Variants in NEDD4L observed in about 807,000 individuals in gnomAD.
NEDD4L encodes the protein E3 ubiquitin-protein ligase NEDD4-like.
In NEDD4L, 54 loss-of-function variants were observed where a neutral mutation model predicts 148.9. That is an observed-to-expected ratio of 0.36 (90% confidence interval 0.29 to 0.45). NEDD4L has a LOEUF of 0.45. Among genes scored for constraint, NEDD4L ranks in the 20% least tolerant of loss-of-function variants. The probability of loss-of-function intolerance (pLI) is 1.00; values close to 1 mark genes in which losing one functional copy is unlikely to be tolerated. For synonymous variants in NEDD4L, 433 were observed against 440.7 expected, an observed-to-expected ratio of 0.98 and a Z score of 0.22; for missense variants, 856 against 1,233.8, an observed-to-expected ratio of 0.69 and a Z score of 4.59.
intron 30 of NEDD4L, among the ~76,000 whole-genome samples, chr18:58,395,588 C>G (rs1270624260): frequency 6.6e-6 from 1 of 151,764 alleles, no homozygotes; most frequent in Non-Finnish European, 1.5e-5. Flanking sequence ...GAGGAGGTAG[C>G]TTAGCACTGG....
At chr18:58,358,831 A>T (rs2045078004) in intron 19 of NEDD4L, among the ~76,000 whole-genome samples, 1 of 152,106 alleles carries the variant, frequency 6.6e-6, no homozygotes, top group Admixed American at 6.5e-5. Flanking sequence ...TATTTAAAAT[A>T]TGCTTTTTAG....
chr18:58,096,411 AT>A (rs2084413391), intron 1 of NEDD4L, among the ~76,000 whole-genome samples: 21 of 89,282 alleles, frequency 2.4e-4, no homozygotes, highest in Admixed American at 3.7e-4. Flanking sequence ...ATTTTATTTT[AT>A]TTTATTTATT....
chr18:58,071,952 A>G (rs2082892815), intron 1 of NEDD4L, among the ~76,000 whole-genome samples: 1 of 152,252 alleles, frequency 6.6e-6, no homozygotes, highest in Non-Finnish European at 1.5e-5. Context: ...TGTGGGGATT[A>G]CAATTCAAGG....
chr18:58,218,297 A>G (rs1458046611), intron 2 of NEDD4L, among the ~76,000 whole-genome samples: 1 of 152,216 alleles, frequency 6.6e-6, no homozygotes. Flanking sequence ...AGTATTGAGC[A>G]ATTTTTTGGG....
chr18:58,372,634 G>A, intron 23 of NEDD4L: 1 of 152,636 alleles, frequency 6.6e-6, no homozygotes, highest in Non-Finnish European at 1.5e-5. Flanking sequence ...GACCAGCCTG[G>A]CCAACATGGC....
At chr18:58,250,310 T>C (rs560100328) in intron 4 of NEDD4L, among the ~76,000 whole-genome samples, 2 of 152,032 alleles carry the variant, frequency 1.3e-5, no homozygotes, top group East Asian at 1.9e-4. Flanking sequence ...CCACCACGCC[T>C]GGCTAATTTT....
chr18:58,128,085 C>T lies in NEDD4L; in HGVS notation c.49-37703C>T, dbSNP rs567869067. Among the ~76,000 whole-genome samples the T allele has an allele frequency of 4.6e-3, 695 of 152,062 alleles. 6 individuals carry two copies. The highest frequency in any genetic ancestry group is 0.016 in the African/African-American group (661 of 41,490). ...TGTTTGAGACAGGGTCTCACTCTGT[C>T]GCCCAGGCTGGAGTGCGATGGCACG... On this transcript the variant is annotated intron_variant, in intron 1 of 30. Coordinates refer to ENST00000400345, the MANE Select transcript of NEDD4L (RefSeq NM_001144967.3).
intron 6 of NEDD4L, among the ~76,000 whole-genome samples, chr18:58,317,308 ACTATTTCAC>A (rs535435266): frequency 6.1e-4 from 93 of 152,314 alleles, no homozygotes; most frequent in Non-Finnish European, 1.0e-3. Flanking sequence ...GGAGGATGTG[ACTATTTCAC>A]CTTTTGTGAG....
At chr18:58,164,630 C>G (rs1441459093) in intron 1 of NEDD4L, among the ~76,000 whole-genome samples, 1 of 152,202 alleles carries the variant, frequency 6.6e-6, no homozygotes, top group Non-Finnish European at 1.5e-5. Context: ...GCCACCATGT[C>G]TGGCTAAATT....
intron 2 of NEDD4L, among the ~76,000 whole-genome samples, chr18:58,215,736 A>T (rs554303282): frequency 6.6e-6 from 1 of 152,232 alleles, no homozygotes; most frequent in Non-Finnish European, 1.5e-5. Flanking sequence ...AAAACAGAAA[A>T]AACAACAGAA....
intron 5 of NEDD4L, among the ~76,000 whole-genome samples, chr18:58,312,064 G>A (rs1377640734): frequency 6.6e-6 from 1 of 152,206 alleles, no homozygotes; most frequent in East Asian, 1.9e-4. Flanking sequence ...AAAGGACACA[G>A]TGTTTTATTT....
At chr18:58,390,618 T>C in intron 28 of NEDD4L, 28 bp from the exon 29 acceptor site, 1 of 1,444,538 alleles carries the variant, frequency 6.9e-7, no homozygotes, top group Non-Finnish European at 9.6e-7. Flanking sequence ...ACGTGGGGGG[T>C]ATAATGACCT....
chr18:58,184,772 C>G (rs1466043826), intron 2 of NEDD4L, among the ~76,000 whole-genome samples: 4 of 151,810 alleles, frequency 2.6e-5, no homozygotes, highest in Admixed American at 2.6e-4. Context: ...ACTAAAAATA[C>G]AAAAAATTAG....
At chr18:58,250,442 T>A (rs2148487670) in intron 4 of NEDD4L, among the ~76,000 whole-genome samples, 1 of 152,310 alleles carries the variant, frequency 6.6e-6, no homozygotes, top group South Asian at 2.1e-4. Context: ...AAGGTCTTTA[T>A]ATTTATTCAT....
At chr18:58,208,116 C>A (rs1201934684) in intron 2 of NEDD4L, among the ~76,000 whole-genome samples, 1 of 152,146 alleles carries the variant, frequency 6.6e-6, no homozygotes, top group Non-Finnish European at 1.5e-5. Context: ...GTTCCTACTA[C>A]CAAAGAGTTC....
At chr18:58,067,360 A>G (rs1218236125) in intron 1 of NEDD4L, among the ~76,000 whole-genome samples, 1 of 152,244 alleles carries the variant, frequency 6.6e-6, no homozygotes, top group East Asian at 1.9e-4. Flanking sequence ...AATGAAAAGC[A>G]AAAGAAATGA....
chr18:58,256,372 C>A lies in NEDD4L; in HGVS notation c.297+4318C>A. ...GCTCTGGGAAGCGGTGTTTTGTCTT[C>A]CAGTTGCAGCAGCCCCAACAAGGCG... On this transcript the variant is annotated intron_variant, in intron 5 of 30. Transcript: ENST00000400345. The surrounding 1 kb of genome is among the most constrained non-coding windows in gnomAD (Gnocchi z 5.2). 8.1e-7 allele frequency: 1 copy of A among 1,232,296 alleles called. No individual in the cohort carries two copies. The highest frequency in any genetic ancestry group is 1.0e-6 in the Non-Finnish European group (1 of 988,056). 76.3% of individuals were successfully genotyped at this position (1,232,296 alleles called of 1,614,324 possible).
In NEDD4L at chr18:58,349,694, G is replaced by A. The variant is rs141737204; in HGVS notation, c.1653+80G>A. ...CTCAATGTTGATGGAGAGGCCCTGT[G>A]GACCTTCTCTATCTCCAGGCTTTGT... On this transcript the variant is annotated intron_variant, in intron 17 of 30. Coordinates refer to ENST00000400345, the MANE Select transcript of NEDD4L (RefSeq NM_001144967.3). 570 of 1,094,372 alleles carry A rather than the reference G, an allele frequency of 5.2e-4. 1 individual carries two copies. Among genetic ancestry groups the A allele is most frequent in the Middle Eastern group, 2.0e-3 (10 of 5,014 alleles). The allele number at this position is 1,094,372 out of a possible 1,614,324, so 67.8% of individuals were successfully genotyped here. A position where few individuals can be genotyped will look rare whatever the true frequency, so the allele number is the denominator to read the frequency against.
At chr18:58,200,945 T>C (rs2041326858) in intron 2 of NEDD4L, among the ~76,000 whole-genome samples, 1 of 152,214 alleles carries the variant, frequency 6.6e-6, no homozygotes, top group South Asian at 2.1e-4. Flanking sequence ...AGATCTTATA[T>C]ATATTGATAT....
Sources: allele counts gnomAD v4.1 joint callset (sites outside exome capture counted in the v4.1 genomes callset), GRCh38; gene constraint gnomAD v4.1.1; non-coding constraint Gnocchi (gnomAD v3.1); transcripts MANE v1.5; gene names NCBI Gene and HGNC (gene_info 2026-07-23, HGNC 2026-07-21).